The following CMIP variants were observed in gnomAD, a reference collection of about 807,000 sequenced individuals.
The protein encoded by CMIP is c-Maf inducing protein.
CMIP carries 13 observed loss-of-function variants against 97.3 expected under a neutral mutation model. The ratio of observed to expected loss-of-function variants is 0.13; its 90% CI spans 0.09 to 0.21. The LOEUF is 0.21. Ranked by LOEUF, CMIP falls within the 10% of genes least tolerant of loss-of-function variation. The probability of loss-of-function intolerance (pLI) is 1.00; values close to 1 mark genes in which losing one functional copy is unlikely to be tolerated. For synonymous variants in CMIP, 538 were observed against 436.3 expected (o/e 1.23, Z -2.91); for missense variants, 847 against 1,024.9 (o/e 0.83, Z 2.37).
At chr16:81,692,303 G>A (rs989600871) in intron 11 of CMIP, among the ~76,000 whole-genome samples, 2 of 152,204 alleles carry the variant, frequency 1.3e-5, no homozygotes, top group Non-Finnish European at 2.9e-5. Flanking sequence ...CCGGTACAAC[G>A]CTCAGCTCAG....
intron 1 of CMIP, among the ~76,000 whole-genome samples, chr16:81,474,670 A>T (rs1907776480): frequency 6.6e-6 from 1 of 152,094 alleles, no homozygotes; most frequent in African/African-American, 2.4e-5. Flanking sequence ...GAAGTGGAGG[A>T]ACCACTGTCC....
chr16:81,498,366 G>T (rs1447451427), intron 1 of CMIP, among the ~76,000 whole-genome samples: 1 of 152,188 alleles, frequency 6.6e-6, no homozygotes, highest in Non-Finnish European at 1.5e-5. Flanking sequence ...CGGGGGCTGG[G>T]CACAGGCCTG....
At chr16:81,657,469 G>A (rs1451511365) in intron 4 of CMIP, among the ~76,000 whole-genome samples, 1 of 152,124 alleles carries the variant, frequency 6.6e-6, no homozygotes, top group Admixed American at 6.5e-5. Context: ...TGAGGTTACT[G>A]GAAGCCCTGT....
At chr16:81,541,443 C>T (rs907727973) in intron 1 of CMIP, among the ~76,000 whole-genome samples, 1 of 152,204 alleles carries the variant, frequency 6.6e-6, no homozygotes, top group Non-Finnish European at 1.5e-5. Context: ...GCCAGTCTAA[C>T]CACTCCAGCC....
chr16:81,454,182 T>A (rs1281873170), intron 1 of CMIP, among the ~76,000 whole-genome samples: 1 of 152,242 alleles, frequency 6.6e-6, no homozygotes, highest in East Asian at 1.9e-4. Context: ...TGGACCTATA[T>A]GTTCCTGGTT....
chr16:81,570,435 C>T (rs961361292), intron 1 of CMIP, among the ~76,000 whole-genome samples: 11 of 152,178 alleles, frequency 7.2e-5, no homozygotes, highest in African/African-American at 2.4e-4. Flanking sequence ...TTGGGCAAAC[C>T]ACTGCTCCGT....
chr16:81,706,121 C>T (rs2151107475), intron 19 of CMIP, among the ~76,000 whole-genome samples: 1 of 152,374 alleles, frequency 6.6e-6, no homozygotes, highest in African/African-American at 2.4e-5. Flanking sequence ...CCTAGAAAGG[C>T]CAGTTCCTGT....
chr16:81,532,126 G>A (rs560942024), intron 1 of CMIP, among the ~76,000 whole-genome samples: 89 of 152,188 alleles, frequency 5.8e-4, no homozygotes, highest in Non-Finnish European at 9.7e-4. Flanking sequence ...CTAAAGAAGC[G>A]AGGTGCGCAA....
At chr16:81,495,262 C>T in intron 1 of CMIP, 4 of 1,390,210 alleles carry the variant, frequency 2.9e-6, no homozygotes, top group Non-Finnish European at 3.8e-6. Context: ...GTGGACCTCT[C>T]AGCCTGGGGG....
chr16:81,537,605 C>T (rs900502796), intron 1 of CMIP, among the ~76,000 whole-genome samples: 1 of 150,526 alleles, frequency 6.6e-6, no homozygotes, highest in Admixed American at 6.6e-5. Flanking sequence ...GTGGCTCACT[C>T]CTGTAACCCC....
intron 10 of CMIP, among the ~76,000 whole-genome samples, chr16:81,681,626 C>G (rs922659482): frequency 1.3e-5 from 2 of 152,230 alleles, no homozygotes; most frequent in African/African-American, 4.8e-5. Context: ...CGCCGCTTGA[C>G]CATACTATTG....
At chr16:81,577,059 C>G (rs905665479) in intron 1 of CMIP, among the ~76,000 whole-genome samples, 4 of 136,524 alleles carry the variant, frequency 2.9e-5, no homozygotes, top group Non-Finnish European at 4.6e-5. Flanking sequence ...TAACCATCAC[C>G]TTTATCACCA....
In CMIP at chr16:81,610,616, A is replaced by T. The variant is rs1233423844; in HGVS notation, c.426+2924A>T. ...TTTCCGTCAGGGGAGGTAGACCTGG[A>T]TCGGCTTCTCCCTTGCTTCCCTCTC... On this transcript the variant is annotated intron_variant, in intron 2 of 20. Transcript: ENST00000537098. 3.5e-6 allele frequency: 3 copies of T among 852,208 alleles called. No homozygotes were observed. The East Asian group carries it at 3.7e-4, about 105-fold the overall frequency. 52.8% of individuals were successfully genotyped at this position (852,208 alleles called of 1,614,324 possible).
intron 1 of CMIP, among the ~76,000 whole-genome samples, chr16:81,536,185 G>A (rs1232241418): frequency 2.0e-5 from 3 of 152,184 alleles, no homozygotes; most frequent in Non-Finnish European, 2.9e-5. Flanking sequence ...AAAATTTCAC[G>A]AGGAGAGGCT....
At chr16:81,645,457 C>G in intron 3 of CMIP, 2 of 1,524,946 alleles carry the variant, frequency 1.3e-6, no homozygotes, top group South Asian at 1.2e-5. Context: ...TGAGTCACTC[C>G]TCTCCTGGCA....
In CMIP at chr16:81,627,933, C is replaced by T. The variant is rs887073705; in HGVS notation, c.477+7007C>T. The stretch of plus-strand genomic sequence containing the variant: ...GCTCAGAGAGGGGAAGCCCACCTGA[C>T]GGGAAGCTGAGGGCAGGGCCTGGGT... On this transcript the variant is annotated intron_variant, in intron 3 of 20. Transcript: ENST00000537098. This position sits in a 1 kb window ranked among gnomAD's most constrained non-coding sequence, Gnocchi z 4.6. 3.9e-5 allele frequency among the ~76,000 whole-genome samples: 6 copies of T among 152,152 alleles called. No homozygotes were observed. Among genetic ancestry groups the T allele is most frequent in the Admixed American group, 6.5e-5 (1 of 15,286 alleles).
chr16:81,549,791 G>A (rs2090617209), intron 1 of CMIP, among the ~76,000 whole-genome samples: 1 of 152,212 alleles, frequency 6.6e-6, no homozygotes, highest in South Asian at 2.1e-4. Context: ...TTCCTCTGAA[G>A]GCAACTGCGC....
At position 81,652,215 on chromosome 16, in the gene CMIP, A is replaced by G; in HGVS notation, c.490A>G (p.Lys164Glu). The G allele has an allele frequency of 6.2e-7, 1 of 1,612,946 alleles. No individual in the cohort carries two copies. The highest frequency in any genetic ancestry group is 8.5e-7 in the Non-Finnish European group (1 of 1,179,180). Residue 164 changes from lysine (K) to glutamate (E), a missense_variant, in exon 4 of 21, where the codon AAA (lysine) becomes GAA (glutamate). Transcript: ENST00000537098. The surrounding 1 kb of genome is among the most constrained non-coding windows in gnomAD (Gnocchi z 5.2). ...HSLQWKKKIY[K>E]YKKVLSNPSR... The stretch of plus-strand genomic sequence containing the variant: ...CTCTTTCAACCAGAAAAAGATTTAC[A>G]AATATAAGAAAGTGCTGAGTAACCC...
At position 81,640,286 on chromosome 16, in the gene CMIP, G is replaced by GCC. The variant is rs35478251; in HGVS notation, c.478-11905_478-11904dup. ...CAGCAAGAGCAGGATAGGACATCAGGCCCCCCCCCCCCCAATTCCCCAGGG... is the reference window on the plus strand; with the variant it reads ...CAGCAAGAGCAGGATAGGACATCAGGCCCCCCCCCCCCCCCAATTCCCCAGGG... On this transcript the variant is annotated intron_variant, in intron 3 of 20. Coordinates refer to ENST00000537098, the MANE Select transcript of CMIP (RefSeq NM_198390.3). 6.3e-4 allele frequency among the ~76,000 whole-genome samples: 82 copies of GCC among 129,436 alleles called. 2 individuals carry two copies. Among genetic ancestry groups the GCC allele is most frequent in the African/African-American group, 2.3e-3 (75 of 32,828 alleles). 84.9% of individuals were successfully genotyped at this position (129,436 alleles called of 152,430 possible). A position where few individuals can be genotyped will look rare whatever the true frequency, so the allele number is the denominator to read the frequency against.
Sources: allele counts gnomAD v4.1 joint callset (sites outside exome capture counted in the v4.1 genomes callset), GRCh38; gene constraint gnomAD v4.1.1; non-coding constraint Gnocchi (gnomAD v3.1); transcripts MANE v1.5; gene names NCBI Gene and HGNC (gene_info 2026-07-23, HGNC 2026-07-21).